Variants in ARHGAP32 observed in about 807,000 individuals in gnomAD.
The protein encoded by ARHGAP32 is rho GTPase-activating protein 32.
In ARHGAP32, 51 loss-of-function variants were observed where a neutral mutation model predicts 186.5. That is an observed-to-expected ratio of 0.27 (90% CI 0.22 to 0.35). The LOEUF (loss-of-function observed/expected upper bound fraction) is 0.35, where lower values mean the gene tolerates loss of function less well. Among genes scored for constraint, ARHGAP32 ranks in the 10% least tolerant of loss-of-function variants. The pLI is 1.00. For missense variants in ARHGAP32, 2,186 were observed against 2,623.5 expected (o/e 0.83, Z 3.64); for synonymous variants, 950 against 964.3 (o/e 0.99, Z 0.27).
chr11:129,085,536 A>G (rs1026622517), intron 6 of ARHGAP32, among the ~76,000 whole-genome samples: 2 of 152,194 alleles, frequency 1.3e-5, no homozygotes, highest in Non-Finnish European at 2.9e-5. Flanking sequence ...AGTTCTTCCA[A>G]ACCTGATTTA....
chr11:129,169,214 T>G (rs540747853), intron 1 of ARHGAP32, among the ~76,000 whole-genome samples: 1 of 152,272 alleles, frequency 6.6e-6, no homozygotes, highest in South Asian at 2.1e-4. Flanking sequence ...CAAAGGTTGA[T>G]TCTTTAAAAG....
intron 2 of ARHGAP32, among the ~76,000 whole-genome samples, chr11:129,127,252 A>G (rs1439284527): frequency 6.6e-6 from 1 of 152,170 alleles, no homozygotes; most frequent in Non-Finnish European, 1.5e-5. Context: ...TGGAAACATG[A>G]CCCAAAGGTA....
chr11:129,113,208 C>A (rs1372564949), intron 5 of ARHGAP32, among the ~76,000 whole-genome samples: 1 of 152,124 alleles, frequency 6.6e-6, no homozygotes, highest in Non-Finnish European at 1.5e-5. Context: ...CATAAGAGAT[C>A]ACTTTTTACT....
chr11:129,038,026 A>C (rs1367075806), intron 11 of ARHGAP32, among the ~76,000 whole-genome samples: 5 of 151,848 alleles, frequency 3.3e-5, no homozygotes, highest in Non-Finnish European at 5.9e-5. Context: ...GCTTGAACTC[A>C]GGAGGCGGAG....
At chr11:129,025,157 A>G (rs545346251) in intron 11 of ARHGAP32, among the ~76,000 whole-genome samples, 2 of 152,324 alleles carry the variant, frequency 1.3e-5, no homozygotes, top group African/African-American at 4.8e-5. Context: ...AATCTAATGA[A>G]GGCAGTTCTA....
At chr11:129,254,131 C>CCTA (rs2135697329) in intron 1 of ARHGAP32, among the ~76,000 whole-genome samples, 1 of 152,078 alleles carries the variant, frequency 6.6e-6, no homozygotes, top group East Asian at 1.9e-4. Flanking sequence ...AAGCATGACC[C>CCTA]CTACGCCCTT....
rs374903688 is a variant in ARHGAP32, at chr11:128,968,914, G to A, written c.6299C>T (p.Ala2100Val). Residue 2100 changes from alanine to valine, a missense_variant, in exon 23 of 23, where the codon GCA becomes GTA. Transcript: ENST00000682385. ...SLQHPETQIHAE is the reference protein window; with the variant it reads ...SLQHPETQIHVE Reference sequence around the variant, plus strand: ...CTCTATTGCTCGCAGGGCTCATTCTGCATGGATCTGTGTTTCAGGATGCTG... The same window carrying A: ...CTCTATTGCTCGCAGGGCTCATTCTACATGGATCTGTGTTTCAGGATGCTG... The A allele has an allele frequency of 3.9e-6, 6 of 1,522,564 alleles. No homozygotes were observed. In the African/African-American group the frequency reaches 8.2e-5, roughly 21 times the overall value. 94.3% of individuals were successfully genotyped at this position (1,522,564 alleles called of 1,614,324 possible).
chr11:128,980,651 A>C lies in ARHGAP32; in HGVS notation c.1878T>G (p.Asn626Lys). The C allele has an allele frequency of 6.2e-7, 1 of 1,614,070 alleles. No homozygotes were observed. The highest frequency in any genetic ancestry group is 8.5e-7 in the Non-Finnish European group (1 of 1,179,958). Residue 626 changes from asparagine (N) to lysine (K), a missense_variant, in exon 18 of 23, where the codon AAT becomes AAG. Coordinates refer to ENST00000682385, the MANE Select transcript of ARHGAP32 (RefSeq NM_001378024.1). ...EAQARTQAQV[N>K]SPIVTENKYI... ...ATTTATTTTCCGTCACAATTGGAGAATTGACCTGAGCTTGTGTTCGTGCCT... is the reference window on the plus strand; with the variant it reads ...ATTTATTTTCCGTCACAATTGGAGACTTGACCTGAGCTTGTGTTCGTGCCT...
chr11:129,187,889 G>A (rs762763989), intron 1 of ARHGAP32, among the ~76,000 whole-genome samples: 2 of 151,938 alleles, frequency 1.3e-5, no homozygotes, highest in Non-Finnish European at 2.9e-5. Flanking sequence ...GTGTGATATG[G>A]TATTTATGGA....
chr11:129,194,142 T>C (rs764397104), upstream of ARHGAP32, among the ~76,000 whole-genome samples: 7 of 152,130 alleles, frequency 4.6e-5, no homozygotes, highest in Non-Finnish European at 1.0e-4. Context: ...AACATGCCTG[T>C]CAGTGGGAGT....
intron 2 of ARHGAP32, among the ~76,000 whole-genome samples, chr11:129,161,818 A>C (rs1455795066): frequency 1.3e-5 from 2 of 152,216 alleles, no homozygotes; most frequent in African/African-American, 4.8e-5. Context: ...AGTATTATAA[A>C]TCATTCTACT....
At chr11:129,010,518 C>T (rs935481406) in intron 11 of ARHGAP32, among the ~76,000 whole-genome samples, 12 of 152,102 alleles carry the variant, frequency 7.9e-5, no homozygotes, top group African/African-American at 2.7e-4. Context: ...TATGGCTAGC[C>T]AGTTCTCCCA....
chr11:129,177,391 T>C (rs1456958353), intron 1 of ARHGAP32, among the ~76,000 whole-genome samples: 2 of 152,166 alleles, frequency 1.3e-5, no homozygotes, highest in Admixed American at 1.3e-4. Flanking sequence ...CTTCTGAAAC[T>C]ATTCCAGTCA....
chr11:129,141,609 C>T (rs1006596218), intron 2 of ARHGAP32, among the ~76,000 whole-genome samples: 5 of 139,806 alleles, frequency 3.6e-5, no homozygotes, highest in Non-Finnish European at 6.1e-5. Flanking sequence ...TACCCTAGAA[C>T]TTAAAGTATA....
chr11:129,217,412 T>C (rs1472450263), intron 1 of ARHGAP32, among the ~76,000 whole-genome samples: 1 of 152,216 alleles, frequency 6.6e-6, no homozygotes, highest in Non-Finnish European at 1.5e-5. Context: ...GGCCATGTCA[T>C]GCCAAGGGGT....
intron 11 of ARHGAP32, among the ~76,000 whole-genome samples, chr11:129,006,452 T>C (rs942503359): frequency 7.9e-5 from 12 of 152,204 alleles, no homozygotes; most frequent in African/African-American, 2.7e-4. Context: ...ACACCCCAAT[T>C]CAATAATGCT....
At chr11:129,111,536 A>G (rs531351) in intron 5 of ARHGAP32, among the ~76,000 whole-genome samples, 2 of 151,818 alleles carry the variant, frequency 1.3e-5, no homozygotes, top group Non-Finnish European at 2.9e-5. Flanking sequence ...TGAGATTTTC[A>G]TTGTTAGAAG....
At chr11:129,203,736 G>T (rs893039153) in intron 1 of ARHGAP32, among the ~76,000 whole-genome samples, 2 of 136,488 alleles carry the variant, frequency 1.5e-5, no homozygotes, top group Non-Finnish European at 3.2e-5. Context: ...AAAAAAAAAA[G>T]AAAGAAAAAA....
chr11:129,000,476 T>C (rs1427764663), intron 11 of ARHGAP32, among the ~76,000 whole-genome samples: 5 of 152,124 alleles, frequency 3.3e-5, no homozygotes, highest in Non-Finnish European at 7.4e-5. Context: ...AAGCCTACTA[T>C]ACATTTAAAA....
Sources: allele counts gnomAD v4.1 joint callset (sites outside exome capture counted in the v4.1 genomes callset), GRCh38; gene constraint gnomAD v4.1.1; transcripts MANE v1.5; gene names NCBI Gene and HGNC (gene_info 2026-07-23, HGNC 2026-07-21).